INSL6: variants seen among roughly 807,000 people sequenced by gnomAD.
The protein encoded by INSL6 is insulin-like peptide INSL6.
Under a neutral mutation model 9.4 loss-of-function variants are expected in INSL6, and 16 were observed. The observed-to-expected ratio is 1.70, with a 90% CI of 1.15 to 2.59. The LOEUF (loss-of-function observed/expected upper bound fraction) is 2.59, where lower values mean the gene tolerates loss of function less well. Among genes scored for constraint, INSL6 ranks in the 30% most tolerant of loss-of-function variants. The pLI, the probability that INSL6 is intolerant of heterozygous loss-of-function variation, is 0.00. For missense variants in INSL6, 391 were observed against 257.3 expected (o/e 1.52, Z -3.56); for synonymous variants, 154 against 96.9 (o/e 1.59, Z -3.46).
chr9:5,119,209 A>C (rs546572083), downstream of INSL6, among the ~76,000 whole-genome samples: 36 of 152,272 alleles, frequency 2.4e-4, no homozygotes, highest in African/African-American at 7.5e-4. Flanking sequence ...TTCTGGCAGA[A>C]AAACTCAGAC....
chr9:5,019,317 A>G, the INSL6 span, among the ~76,000 whole-genome samples: 1 of 152,194 alleles, frequency 6.6e-6, no homozygotes, highest in Admixed American at 6.5e-5. Context: ...CTTTCTTCGT[A>G]GATGCTCTAG....
At chr9:5,152,284 G>T (rs915453237) in intron 2 of INSL6, among the ~76,000 whole-genome samples, 6 of 152,020 alleles carry the variant, frequency 3.9e-5, no homozygotes, top group Admixed American at 1.3e-4. Flanking sequence ...ATACACGTTT[G>T]TTTCATGCAC....
At chr9:5,081,150 C>A in the INSL6 span, among the ~76,000 whole-genome samples, 1 of 152,036 alleles carries the variant, frequency 6.6e-6, no homozygotes, top group Non-Finnish European at 1.5e-5. Context: ...CCGCCTCGGC[C>A]TCCCAAAGTG....
chr9:4,995,099 T>C, the INSL6 span, among the ~76,000 whole-genome samples: 1 of 152,218 alleles, frequency 6.6e-6, no homozygotes, highest in African/African-American at 2.4e-5. Context: ...TGTTTTCAGA[T>C]GACTTGATTG....
the INSL6 span, among the ~76,000 whole-genome samples, chr9:5,083,550 G>T: frequency 3.3e-5 from 5 of 152,066 alleles, no homozygotes; most frequent in Non-Finnish European, 7.4e-5. Context: ...ACAGTCTTCT[G>T]TTGTTTATTA....
the INSL6 span, among the ~76,000 whole-genome samples, chr9:5,047,533 C>G: frequency 6.6e-6 from 1 of 152,170 alleles, no homozygotes; most frequent in Admixed American, 6.5e-5. Context: ...ACCTCATGTT[C>G]TTGGCATCAT....
chr9:5,118,438 C>T, the INSL6 span, among the ~76,000 whole-genome samples: 1 of 152,152 alleles, frequency 6.6e-6, no homozygotes, highest in Non-Finnish European at 1.5e-5. Context: ...AAACTTGTAA[C>T]TATTCACATT....
At chr9:5,040,479 G>A in the INSL6 span, among the ~76,000 whole-genome samples, 1 of 152,220 alleles carries the variant, frequency 6.6e-6, no homozygotes, top group East Asian at 1.9e-4. Flanking sequence ...AAAAACATCT[G>A]TGTGTCAAAG....
exon 4 of INSL6, among the ~76,000 whole-genome samples, chr9:5,124,371 G>A (rs1029203960): frequency 3.3e-5 from 5 of 151,284 alleles, no homozygotes; most frequent in African/African-American, 4.8e-5. Context: ...GTAATCGATC[G>A]AGTTAATTTT....
At chr9:5,051,501 G>GAAC in the INSL6 span, among the ~76,000 whole-genome samples, 1 of 152,098 alleles carries the variant, frequency 6.6e-6, no homozygotes, top group Admixed American at 6.6e-5. Context: ...AATCTGAGTT[G>GAAC]AAGCCCACAA....
At chr9:5,084,484 T>C in the INSL6 span, among the ~76,000 whole-genome samples, 5 of 152,140 alleles carry the variant, frequency 3.3e-5, no homozygotes, top group Non-Finnish European at 1.5e-5. Context: ...CAAAGAGGGA[T>C]ATATATTTAA....
At chr9:5,046,294 T>C in the INSL6 span, among the ~76,000 whole-genome samples, 1 of 152,328 alleles carries the variant, frequency 6.6e-6, no homozygotes, top group African/African-American at 2.4e-5. Context: ...TAGAAATTAT[T>C]ATTCTGGATC....
In INSL6 at chr9:5,185,495, G is replaced by A. The variant is rs952960600; in HGVS notation, c.108C>T (p.Tyr36=). 1.2e-6 allele frequency: 2 copies of A among 1,614,176 alleles called. No individual in the cohort carries two copies. Among genetic ancestry groups the A allele is most frequent in the Non-Finnish European group, 1.7e-6 (2 of 1,180,038 alleles). ...AGAGTTTTTCTATTTCTTTCACCAA[G>A]TACCTGCCGCACAGCTTCCTGGCAC... is the stretch of plus-strand genomic sequence containing the variant. ...ISSARKLCGR[Y]LVKEIEKLCG... The change falls in exon 1 of 2, where the codon TAC becomes TAT. Residue 36 remains tyrosine, a synonymous_variant. Coordinates refer to ENST00000381641, the MANE Select transcript of INSL6 (RefSeq NM_007179.3).
intron 2 of INSL6, among the ~76,000 whole-genome samples, chr9:5,148,600 C>G (rs544412550): frequency 4.6e-5 from 7 of 152,164 alleles, no homozygotes; most frequent in African/African-American, 9.7e-5. Flanking sequence ...GGAGGTACAC[C>G]TAGGCCCCAT....
At chr9:5,114,346 A>C in the INSL6 span, 1 of 537,152 alleles carries the variant, frequency 1.9e-6, no homozygotes, top group African/African-American at 1.9e-5. Context: ...ATCCTAAGGC[A>C]AGAGAAGCAG....
the INSL6 span, chr9:5,099,281 G>C: frequency 6.6e-6 from 1 of 152,068 alleles, no homozygotes; most frequent in Non-Finnish European, 1.5e-5. Flanking sequence ...TATTGTCCTA[G>C]AACTAATCCT....
the INSL6 span, among the ~76,000 whole-genome samples, chr9:5,058,100 CA>C: frequency 6.6e-6 from 1 of 152,206 alleles, no homozygotes; most frequent in East Asian, 1.9e-4. Context: ...AATGAATATT[CA>C]GGTCACTTTT....
chr9:5,153,126 A>G (rs1328601407), intron 2 of INSL6, among the ~76,000 whole-genome samples: 1 of 150,146 alleles, frequency 6.7e-6, no homozygotes, highest in Non-Finnish European at 1.5e-5. Context: ...TTGGGCAGAC[A>G]CTGAGCTAGC....
intron 1 of INSL6, among the ~76,000 whole-genome samples, chr9:5,183,224 A>G (rs1306744478): frequency 6.6e-6 from 1 of 152,216 alleles, no homozygotes; most frequent in African/African-American, 2.4e-5. Context: ...TAGATTAATA[A>G]TTTTTAAAAT....
Sources: gnomAD v4.1 joint callset for allele counts (sites outside exome capture counted in the v4.1 genomes callset) on GRCh38, gnomAD v4.1.1 for gene constraint, MANE v1.5 for transcripts, NCBI Gene and HGNC (gene_info 2026-07-23, HGNC 2026-07-21) for gene names.